POLR3B: variants seen among roughly 807,000 people sequenced by gnomAD.
POLR3B encodes the protein DNA-directed RNA polymerase III subunit RPC2.
In POLR3B, 96 loss-of-function variants were observed where a neutral mutation model predicts 147.4. The observed-to-expected ratio is 0.65, with a 90% confidence interval of 0.55 to 0.77. The LOEUF (loss-of-function observed/expected upper bound fraction) is 0.77, where lower values mean the gene tolerates loss of function less well. Among genes scored for constraint, POLR3B ranks in the 30% least tolerant of loss-of-function variants. The pLI is 0.00. For missense variants in POLR3B, 1,036 were observed against 1,413.5 expected (o/e 0.73, Z 4.28); for synonymous variants, 461 against 485.9 (o/e 0.95, Z 0.67).
chr12:106,465,971 T>C (rs576381627), intron 23 of POLR3B, among the ~76,000 whole-genome samples: 26 of 151,126 alleles, frequency 1.7e-4, no homozygotes, highest in African/African-American at 6.0e-4. Context: ...CCTTTGGGTA[T>C]ATGGGATTGC....
chr12:106,409,355 GT>G (rs1164848244), intron 11 of POLR3B, among the ~76,000 whole-genome samples: 1 of 123,084 alleles, frequency 8.1e-6, no homozygotes, highest in Non-Finnish European at 1.6e-5. Context: ...GGTTTTTTTT[GT>G]TTTTTTTTTT....
chr12:106,400,616 A>C (rs535729975), intron 10 of POLR3B, among the ~76,000 whole-genome samples: 1 of 152,216 alleles, frequency 6.6e-6, no homozygotes. Context: ...AGAAATTATA[A>C]CAAACTGTCT....
In POLR3B at chr12:106,369,610, GCCC is replaced by G; in HGVS notation, c.333_335del (p.Pro112del). On this transcript the variant is annotated inframe_deletion, in exon 6 of 28. Coordinates refer to ENST00000228347, the MANE Select transcript of POLR3B (RefSeq NM_018082.6). ...CCGTTTGAGAGACATGACATACTCT[GCCC>G]CTATTACAGTGGATATTGAATATAC... 5 of 1,612,124 alleles carry G rather than the reference GCCC, an allele frequency of 3.1e-6. No individual in the cohort carries two copies. Among genetic ancestry groups the G allele is most frequent in the Non-Finnish European group, 4.2e-6 (5 of 1,178,258 alleles).
intron 1 of POLR3B, among the ~76,000 whole-genome samples, chr12:106,358,946 A>C (rs1247699658): frequency 1.3e-5 from 2 of 152,234 alleles, no homozygotes; most frequent in African/African-American, 4.8e-5. Flanking sequence ...CTCCTTGGCT[A>C]GGCGTGGTGG....
At chr12:106,361,508 C>T (rs1234775826) in intron 1 of POLR3B, among the ~76,000 whole-genome samples, 1 of 152,072 alleles carries the variant, frequency 6.6e-6, no homozygotes, top group African/African-American at 2.4e-5. Flanking sequence ...AGGCCCATAC[C>T]CAGTAGCTTA....
intron 9 of POLR3B, among the ~76,000 whole-genome samples, chr12:106,386,363 C>T (rs1443466662): frequency 6.9e-6 from 1 of 145,860 alleles, no homozygotes; most frequent in Non-Finnish European, 1.5e-5. Context: ...AAAAAGAAAA[C>T]TTTATCTAAT....
intron 10 of POLR3B, among the ~76,000 whole-genome samples, chr12:106,394,992 A>G (rs2036961416): frequency 6.6e-6 from 1 of 152,232 alleles, no homozygotes; most frequent in Non-Finnish European, 1.5e-5. Context: ...AGTACACTTT[A>G]TATTAGTCTG....
intron 12 of POLR3B, among the ~76,000 whole-genome samples, chr12:106,412,337 TTAGA>T (rs1230291358): frequency 6.6e-6 from 1 of 152,212 alleles, no homozygotes; most frequent in African/African-American, 2.4e-5. Flanking sequence ...AATTGGGGAT[TTAGA>T]TAGAGTTTAA....
At chr12:106,440,433 A>G (rs1049054581) in intron 18 of POLR3B, among the ~76,000 whole-genome samples, 1 of 152,142 alleles carries the variant, frequency 6.6e-6, no homozygotes, top group Non-Finnish European at 1.5e-5. Flanking sequence ...TCTCCCTCAG[A>G]AGTCCTTACA....
intron 11 of POLR3B, among the ~76,000 whole-genome samples, chr12:106,406,488 A>C (rs1453648676): frequency 6.6e-6 from 1 of 152,242 alleles, no homozygotes; most frequent in Non-Finnish European, 1.5e-5. Context: ...CATTCACATT[A>C]TTGTACAACC....
intron 21 of POLR3B, 56 bp downstream of exon 21, chr12:106,457,352 A>G (rs901782727): frequency 7.0e-7 from 1 of 1,432,494 alleles, no homozygotes; most frequent in Non-Finnish European, 9.8e-7. Flanking sequence ...TATGTTATTC[A>G]ATAATATTTC....
chr12:106,398,017 G>T (rs1403794090), intron 10 of POLR3B, among the ~76,000 whole-genome samples: 1 of 152,224 alleles, frequency 6.6e-6, no homozygotes, highest in Non-Finnish European at 1.5e-5. Flanking sequence ...CCGTGCGTGA[G>T]CCAAAGCAGG....
At chr12:106,432,161 A>G (rs892808955) in intron 14 of POLR3B, among the ~76,000 whole-genome samples, 157 bp from the exon 15 acceptor site, 1 of 152,152 alleles carries the variant, frequency 6.6e-6, no homozygotes, top group Non-Finnish European at 1.5e-5. Flanking sequence ...GGATATATAT[A>G]TTTTTTAAAG....
intron 18 of POLR3B, among the ~76,000 whole-genome samples, chr12:106,439,573 A>G (rs891559139): frequency 1.3e-5 from 2 of 150,024 alleles, no homozygotes; most frequent in Admixed American, 6.6e-5. Flanking sequence ...TGAGTCCAGG[A>G]GGTGGAGGCT....
chr12:106,487,605 A>G (rs1054990136), intron 23 of POLR3B, among the ~76,000 whole-genome samples: 2 of 152,174 alleles, frequency 1.3e-5, no homozygotes, highest in East Asian at 3.9e-4. Flanking sequence ...CTTTCTGTAT[A>G]TGAATTGTGT....
Position 106,449,571 on chromosome 12 carries a change from A to G in POLR3B, c.2084-4931A>G, listed in dbSNP as rs932354609. 1.1e-4 allele frequency among the ~76,000 whole-genome samples: 16 copies of G among 152,230 alleles called. 1 individual carries two copies. Among genetic ancestry groups the G allele is most frequent in the African/African-American group, 3.1e-4 (13 of 41,464 alleles). ...TTATATACTATATTCTTACAATTCA[A>G]ATAAGCTAGATAAAAGAAAATGTTA... On this transcript the variant is annotated intron_variant, in intron 19 of 27. Coordinates refer to ENST00000228347, the MANE Select transcript of POLR3B (RefSeq NM_018082.6).
intron 18 of POLR3B, among the ~76,000 whole-genome samples, chr12:106,442,820 G>A (rs1332128872): frequency 3.9e-5 from 6 of 152,050 alleles, no homozygotes; most frequent in Admixed American, 3.9e-4. Context: ...ACAGATCCTG[G>A]ATGACACATC....
At chr12:106,486,110 A>G (rs2038334490) in intron 23 of POLR3B, among the ~76,000 whole-genome samples, 1 of 152,006 alleles carries the variant, frequency 6.6e-6, no homozygotes, top group African/African-American at 2.4e-5. Context: ...TAACATGGTG[A>G]AACCCCATCT....
intron 12 of POLR3B, among the ~76,000 whole-genome samples, chr12:106,417,803 GAAA>G (rs1406553177): frequency 6.6e-6 from 1 of 151,858 alleles, no homozygotes; most frequent in Admixed American, 6.6e-5. Flanking sequence ...TTTTACTTCG[GAAA>G]AACCATGGTG....
Sources: allele counts gnomAD v4.1 joint callset (sites outside exome capture counted in the v4.1 genomes callset), GRCh38; gene constraint gnomAD v4.1.1; transcripts MANE v1.5; gene names NCBI Gene and HGNC (gene_info 2026-07-23, HGNC 2026-07-21).